Variants in PLOD2 observed in about 807,000 individuals in gnomAD.
PLOD2 encodes the protein lysine hydroxylase 2.
In PLOD2, 65 loss-of-function variants were observed where a neutral mutation model predicts 101.0. The observed-to-expected ratio is 0.64, with a 90% CI of 0.53 to 0.79. The LOEUF (loss-of-function observed/expected upper bound fraction) is 0.79, where lower values mean the gene tolerates loss of function less well. Ranked by LOEUF, PLOD2 falls within the 30% of genes least tolerant of loss-of-function variation. The probability of loss-of-function intolerance (pLI) is 0.00; values close to 1 mark genes in which losing one functional copy is unlikely to be tolerated. For missense variants in PLOD2, 909 were observed against 914.6 expected (o/e 0.99, Z 0.08); for synonymous variants, 314 against 302.9 (o/e 1.04, Z -0.38).
intron 1 of PLOD2, among the ~76,000 whole-genome samples, chr3:146,143,653 G>GTA (rs1243405631): frequency 6.6e-6 from 1 of 151,986 alleles, no homozygotes; most frequent in East Asian, 1.9e-4. Flanking sequence ...GGGCCACAAT[G>GTA]TATATAGTTT....
intron 1 of PLOD2, among the ~76,000 whole-genome samples, chr3:146,145,058 T>G (rs934009344): frequency 1.2e-4 from 18 of 152,250 alleles, no homozygotes; most frequent in Non-Finnish European, 1.0e-4. Context: ...CTACTGGTGC[T>G]TCAACATTTC....
At chr3:146,081,917 T>G (rs1237676690) in intron 11 of PLOD2, 54 bp from the exon 12 acceptor site, 4 of 1,489,314 alleles carry the variant, frequency 2.7e-6, no homozygotes, top group African/African-American at 1.4e-5. Context: ...ATTATTTATT[T>G]TTAAATTACC....
intron 1 of PLOD2, among the ~76,000 whole-genome samples, chr3:146,147,557 T>C (rs1399307571): frequency 6.6e-6 from 1 of 152,064 alleles, no homozygotes; most frequent in African/African-American, 2.4e-5. Context: ...GATGGGGTCA[T>C]GCTGTGTAAT....
chr3:146,131,915 G>A (rs971608519), intron 1 of PLOD2, among the ~76,000 whole-genome samples: 10 of 139,664 alleles, frequency 7.2e-5, no homozygotes, highest in African/African-American at 2.2e-4. Flanking sequence ...AGTAATTCAC[G>A]TCACAATTTC....
At chr3:146,077,021 G>T in intron 14 of PLOD2, 126 bp from the exon 15 acceptor site, 1 of 1,277,240 alleles carries the variant, frequency 7.8e-7, no homozygotes, top group South Asian at 1.8e-5. Flanking sequence ...TGCATTTTTA[G>T]TATTCATATA....
intron 7 of PLOD2, among the ~76,000 whole-genome samples, chr3:146,100,253 T>C (rs1308994588): frequency 6.6e-6 from 1 of 152,200 alleles, no homozygotes; most frequent in Admixed American, 6.5e-5. Context: ...AGAATAATGC[T>C]AGGTCATTAG....
chr3:146,130,127 T>C (rs949205043), intron 1 of PLOD2, among the ~76,000 whole-genome samples: 10 of 152,248 alleles, frequency 6.6e-5, no homozygotes, highest in Middle Eastern at 6.8e-3. Context: ...TCCAACCACA[T>C]TGGCCTGTAT....
intron 1 of PLOD2, among the ~76,000 whole-genome samples, chr3:146,135,986 A>T (rs1156531423): frequency 5.3e-5 from 8 of 152,174 alleles, no homozygotes; most frequent in Non-Finnish European, 1.0e-4. Context: ...ATAAATTCCA[A>T]GTAAACCTTG....
At chr3:146,104,787 C>T (rs925905516) in intron 5 of PLOD2, among the ~76,000 whole-genome samples, 1 of 152,144 alleles carries the variant, frequency 6.6e-6, no homozygotes, top group Non-Finnish European at 1.5e-5. Context: ...TCCCTCAACT[C>T]CCCAATAAGG....
At chr3:146,131,758 A>G (rs1475883190) in intron 1 of PLOD2, among the ~76,000 whole-genome samples, 1 of 152,188 alleles carries the variant, frequency 6.6e-6, no homozygotes, top group African/African-American at 2.4e-5. Flanking sequence ...ATTGCACACA[A>G]TTTTGTTGCT....
intron 1 of PLOD2, among the ~76,000 whole-genome samples, chr3:146,136,878 T>C (rs2031261755): frequency 6.6e-6 from 1 of 152,216 alleles, no homozygotes; most frequent in Non-Finnish European, 1.5e-5. Flanking sequence ...AATGACGAAA[T>C]TGCCTAATGA....
chr3:146,077,836 A>T, intron 14 of PLOD2, 26 bp downstream of exon 14: 1 of 1,402,306 alleles, frequency 7.1e-7, no homozygotes, highest in Non-Finnish European at 1.0e-6. Context: ...ATAAACAAAA[A>T]TAAATAAAAT....
chr3:146,109,239 T>C lies in PLOD2; in HGVS notation c.502+1046A>G, dbSNP rs182932837. 2.3e-3 allele frequency among the ~76,000 whole-genome samples: 358 copies of C among 152,356 alleles called. 2 individuals are homozygous for C. Among genetic ancestry groups the C allele is most frequent in the African/African-American group, 8.2e-3 (343 of 41,584 alleles). ...TCAAGAGATCCCAGAAAGCATTATC[T>C]GTAGAAATATTGAGACGAAGAGGAA... On this transcript the variant is annotated intron_variant, in intron 4 of 19. Coordinates refer to ENST00000282903, the MANE Select transcript of PLOD2 (RefSeq NM_182943.3).
chr3:146,107,495 T>G (rs962857569), intron 4 of PLOD2, among the ~76,000 whole-genome samples: 1 of 152,092 alleles, frequency 6.6e-6, no homozygotes, highest in East Asian at 1.9e-4. Context: ...CTGTCAAAAT[T>G]AAAATTTTCT....
intron 1 of PLOD2, among the ~76,000 whole-genome samples, chr3:146,150,189 T>A (rs1261702700): frequency 6.6e-6 from 1 of 152,178 alleles, no homozygotes; most frequent in Non-Finnish European, 1.5e-5. Context: ...CGTATGCACA[T>A]AAATACTTTG....
intron 3 of PLOD2, among the ~76,000 whole-genome samples, chr3:146,111,336 A>C (rs1239432142): frequency 6.6e-6 from 1 of 152,206 alleles, no homozygotes; most frequent in Admixed American, 6.5e-5. Flanking sequence ...AGTCACTCAC[A>C]GCATACAATT....
chr3:146,151,619 T>C (rs1215395660), intron 1 of PLOD2, among the ~76,000 whole-genome samples: 1 of 152,120 alleles, frequency 6.6e-6, no homozygotes, highest in African/African-American at 2.4e-5. Context: ...AGAACTTAGA[T>C]GTAGGTTTCC....
chr3:146,086,919 T>A lies in PLOD2; in HGVS notation c.1006-11A>T, dbSNP rs750360017. 1.3e-5 allele frequency: 19 copies of A among 1,460,532 alleles called. No homozygotes were observed. Among genetic ancestry groups the A allele is most frequent in the Non-Finnish European group, 1.7e-5 (18 of 1,056,058 alleles). The allele number at this position is 1,460,532 out of a possible 1,614,324, so 90.5% of individuals were successfully genotyped here. ...TTCATGATAAACTTCCTGTAACATA[T>A]TTTAAAAATCAAAAATTAGAGAATA... is the stretch of plus-strand genomic sequence containing the variant. On this transcript the variant is annotated splice_polypyrimidine_tract_variant and intron_variant, in intron 9 of 19. Transcript: ENST00000282903.
intron 1 of PLOD2, among the ~76,000 whole-genome samples, chr3:146,136,517 T>C (rs898771604): frequency 6.6e-6 from 1 of 152,138 alleles, no homozygotes; most frequent in Non-Finnish European, 1.5e-5. Context: ...GAGACTTGGG[T>C]CCCATCCCCA....
Sources: gnomAD v4.1 joint callset for allele counts (sites outside exome capture counted in the v4.1 genomes callset) on GRCh38, gnomAD v4.1.1 for gene constraint, MANE v1.5 for transcripts, NCBI Gene and HGNC (gene_info 2026-07-23, HGNC 2026-07-21) for gene names.